Variants in PDGFD observed in about 807,000 individuals in gnomAD.
The protein encoded by PDGFD is platelet derived growth factor D.
In PDGFD, 30 loss-of-function variants were observed where a neutral mutation model predicts 44.7. That is an observed-to-expected ratio of 0.67 (90% confidence interval 0.50 to 0.91). The LOEUF is 0.91. Ranked by LOEUF, PDGFD falls within the 40% of genes least tolerant of loss-of-function variation. The pLI, the probability that PDGFD is intolerant of heterozygous loss-of-function variation, is 0.00. For synonymous variants in PDGFD, 173 were observed against 168.4 expected (o/e 1.03, Z -0.21); for missense variants, 445 against 457.8 (o/e 0.97, Z 0.25).
In PDGFD at chr11:103,916,356, G is replaced by A. The variant is rs191724220; in HGVS notation, c.988-6537C>T. 2.1e-4 allele frequency among the ~76,000 whole-genome samples: 32 copies of A among 152,218 alleles called. No individual in the cohort carries two copies. The East Asian group carries it at 4.4e-3, about 21-fold the overall frequency. ...GAAAAAAACCTCATCATCATTGGTCGTTAGAGAAATGCAAAACAAAACCAC... is the reference window on the plus strand; with the variant it reads ...GAAAAAAACCTCATCATCATTGGTCATTAGAGAAATGCAAAACAAAACCAC... On this transcript the variant is annotated intron_variant, in intron 6 of 6. Transcript: ENST00000393158.
intron 1 of PDGFD, among the ~76,000 whole-genome samples, chr11:104,031,201 G>C (rs2134389700): frequency 6.6e-6 from 1 of 152,256 alleles, no homozygotes; most frequent in East Asian, 1.9e-4. Context: ...AGAGTGAATA[G>C]ACAACCTATA....
intron 1 of PDGFD, among the ~76,000 whole-genome samples, chr11:104,125,400 G>A (rs535575538): frequency 1.4e-4 from 22 of 152,044 alleles, no homozygotes; most frequent in Non-Finnish European, 2.9e-4. Flanking sequence ...TTAAAAAAAG[G>A]ACTCATGCAC....
At chr11:104,101,389 T>C (rs1861376718) in intron 1 of PDGFD, among the ~76,000 whole-genome samples, 1 of 151,952 alleles carries the variant, frequency 6.6e-6, no homozygotes, top group Non-Finnish European at 1.5e-5. Flanking sequence ...GGAATCCAAC[T>C]TACAAGGGAC....
chr11:104,091,006 G>C (rs569181407), intron 1 of PDGFD, among the ~76,000 whole-genome samples: 1 of 152,022 alleles, frequency 6.6e-6, no homozygotes, highest in Admixed American at 6.6e-5. Flanking sequence ...GCAAACTACC[G>C]AGTCTAACAC....
chr11:104,164,018 C>T lies in PDGFD; in HGVS notation c.-91G>A. 2 of 1,373,868 alleles carry T rather than the reference C, an allele frequency of 1.5e-6. No individual in the cohort carries two copies. Among genetic ancestry groups the T allele is most frequent in the South Asian group, 3.5e-5 (2 of 56,998 alleles). The allele number at this position is 1,373,868 out of a possible 1,614,324, so 85.1% of individuals were successfully genotyped here. On this transcript the variant is annotated 5_prime_UTR_variant, in exon 1 of 7. Coordinates refer to ENST00000393158, the MANE Select transcript of PDGFD (RefSeq NM_025208.5). ...GCCGCGCCGCCCTGCGCTCTCGCCG[C>T]CTGCGCTCGCCCTGCGCTGGCCCGG...
chr11:103,909,423 G>T lies in PDGFD; in HGVS notation c.*271C>A. 2.7e-6 allele frequency: 1 copy of T among 373,706 alleles called. No individual in the cohort carries two copies. Among genetic ancestry groups the T allele is most frequent in the Non-Finnish European group, 5.0e-6 (1 of 200,822 alleles). The allele number at this position is 373,706 out of a possible 1,614,324, so 23.1% of individuals were successfully genotyped here. ...AAAACATTTGATCTATATACACATAGACATGAATATATTTCTGTGTGTGTT... is the reference window on the plus strand; with the variant it reads ...AAAACATTTGATCTATATACACATATACATGAATATATTTCTGTGTGTGTT... On this transcript the variant is annotated 3_prime_UTR_variant, in exon 7 of 7. Transcript: ENST00000393158.
intron 1 of PDGFD, among the ~76,000 whole-genome samples, chr11:104,118,779 A>T (rs1315539883): frequency 2.1e-5 from 2 of 93,128 alleles, no homozygotes; most frequent in Non-Finnish European, 4.0e-5. Flanking sequence ...TTAATATATA[A>T]TATATTATAT....
intron 1 of PDGFD, chr11:104,036,571 A>G (rs773802109): frequency 6.2e-5 from 34 of 549,742 alleles, no homozygotes; most frequent in Non-Finnish European, 9.5e-5. Flanking sequence ...GGTTCCAAAC[A>G]GCACACTTAG....
intron 1 of PDGFD, among the ~76,000 whole-genome samples, chr11:104,035,543 C>T: frequency 6.9e-6 from 1 of 144,518 alleles, no homozygotes; most frequent in Admixed American, 7.4e-5. Context: ...CCTTTCCTTT[C>T]CTTCCTTACT....
intron 1 of PDGFD, among the ~76,000 whole-genome samples, chr11:104,029,512 G>C (rs1184901519): frequency 6.6e-6 from 1 of 152,182 alleles, no homozygotes; most frequent in Admixed American, 6.5e-5. Context: ...GACAGTTGTG[G>C]AAACATTACC....
intron 1 of PDGFD, among the ~76,000 whole-genome samples, chr11:104,074,380 C>A (rs2134423428): frequency 6.6e-6 from 1 of 152,214 alleles, no homozygotes; most frequent in Middle Eastern, 3.4e-3. Flanking sequence ...GATACAAGTG[C>A]CTAGAATTTT....
At chr11:103,950,845 A>G (rs1200019481) in intron 3 of PDGFD, among the ~76,000 whole-genome samples, 2 of 152,152 alleles carry the variant, frequency 1.3e-5, no homozygotes, top group African/African-American at 4.8e-5. Flanking sequence ...TTCTATGAGG[A>G]CACCCTTTGA....
At chr11:103,990,326 G>A (rs772113002) in intron 3 of PDGFD, among the ~76,000 whole-genome samples, 11 of 152,256 alleles carry the variant, frequency 7.2e-5, no homozygotes, top group South Asian at 6.2e-4. Flanking sequence ...ATAGCTTTGC[G>A]TCATTGCTTC....
chr11:104,024,607 G>A (rs1026529334), intron 1 of PDGFD, among the ~76,000 whole-genome samples: 1 of 152,150 alleles, frequency 6.6e-6, no homozygotes, highest in African/African-American at 2.4e-5. Context: ...ACGTTGTACA[G>A]GTTTGAAGCC....
chr11:103,959,771 A>C (rs1858908956), intron 3 of PDGFD, among the ~76,000 whole-genome samples: 1 of 152,216 alleles, frequency 6.6e-6, no homozygotes, highest in Admixed American at 6.5e-5. Context: ...CATCAGTGAA[A>C]GAGACCTCCT....
intron 1 of PDGFD, among the ~76,000 whole-genome samples, chr11:104,026,136 C>T (rs1860039514): frequency 1.3e-5 from 2 of 152,180 alleles, no homozygotes; most frequent in Admixed American, 1.3e-4. Flanking sequence ...AATACTGTAT[C>T]AGGAGAGGCT....
chr11:104,070,528 G>C (rs1356634799), intron 1 of PDGFD, among the ~76,000 whole-genome samples: 3 of 152,138 alleles, frequency 2.0e-5, no homozygotes, highest in Non-Finnish European at 2.9e-5. Flanking sequence ...AGTTCAATAT[G>C]TGTTTAAAGT....
At chr11:103,939,130 A>C (rs961349101) in intron 5 of PDGFD, among the ~76,000 whole-genome samples, 1 of 152,108 alleles carries the variant, frequency 6.6e-6, no homozygotes, top group Non-Finnish European at 1.5e-5. Context: ...CATTGAATCT[A>C]TAAATTACCT....
At chr11:104,132,394 A>G (rs980950592) in intron 1 of PDGFD, among the ~76,000 whole-genome samples, 3 of 152,096 alleles carry the variant, frequency 2.0e-5, no homozygotes, top group Admixed American at 6.6e-5. Context: ...CAGAGATGTA[A>G]CAAGATAATT....
Sources: gnomAD v4.1 joint callset for allele counts (sites outside exome capture counted in the v4.1 genomes callset) on GRCh38, gnomAD v4.1.1 for gene constraint, MANE v1.5 for transcripts, NCBI Gene and HGNC (gene_info 2026-07-23, HGNC 2026-07-21) for gene names.